KDM4C: variants seen among roughly 807,000 people sequenced by gnomAD.
KDM4C encodes lysine demethylase 4C, also known as lysine-specific demethylase 4C.
KDM4C carries 81 observed loss-of-function variants against 129.3 expected under a neutral mutation model. The ratio of observed to expected loss-of-function variants is 0.63; its 90% CI spans 0.52 to 0.75. KDM4C has a LOEUF of 0.75. KDM4C is among the 30% of genes least tolerant of loss of function. The pLI, the probability that KDM4C is intolerant of heterozygous loss-of-function variation, is 0.00. For synonymous variants in KDM4C, 573 were observed against 456.1 expected, an observed-to-expected ratio of 1.26 and a Z score of -3.26; for missense variants, 1,457 against 1,304.0, an observed-to-expected ratio of 1.12 and a Z score of -1.81.
chr9:7,041,050 T>G (rs1469716347), intron 15 of KDM4C, among the ~76,000 whole-genome samples: 2 of 151,780 alleles, frequency 1.3e-5, no homozygotes, highest in African/African-American at 4.8e-5. Flanking sequence ...TAGATCTGTA[T>G]TGGTTTTTAA....
At chr9:6,833,309 T>A (rs1389136817) in intron 4 of KDM4C, among the ~76,000 whole-genome samples, 1 of 152,116 alleles carries the variant, frequency 6.6e-6, no homozygotes, top group Non-Finnish European at 1.5e-5. Context: ...CCAGTATTTT[T>A]AAAAACATCT....
At chr9:6,743,916 A>G (rs1174136356) in intron 1 of KDM4C, among the ~76,000 whole-genome samples, 3 of 143,264 alleles carry the variant, frequency 2.1e-5, no homozygotes, top group Non-Finnish European at 3.1e-5. Flanking sequence ...ATCCTCTCCA[A>G]TTTTTTTTTT....
chr9:6,844,667 G>C (rs939953541), intron 4 of KDM4C, among the ~76,000 whole-genome samples: 6 of 152,136 alleles, frequency 3.9e-5, no homozygotes, highest in African/African-American at 1.2e-4. Context: ...AAAGTTTTTC[G>C]ACCTTGGCAT....
chr9:6,922,810 G>A (rs1261968761), intron 8 of KDM4C, among the ~76,000 whole-genome samples: 2 of 152,192 alleles, frequency 1.3e-5, no homozygotes, highest in African/African-American at 4.8e-5. Context: ...ATGTCACTAA[G>A]TTTCTTTCAC....
intron 1 of KDM4C, among the ~76,000 whole-genome samples, chr9:6,738,890 G>A (rs1817605654): frequency 6.6e-6 from 1 of 151,078 alleles, no homozygotes; most frequent in Non-Finnish European, 1.5e-5. Flanking sequence ...TGGCCGCCCA[G>A]CTAATTTCTA....
At chr9:6,843,881 C>G (rs1204751496) in intron 4 of KDM4C, among the ~76,000 whole-genome samples, 1 of 152,128 alleles carries the variant, frequency 6.6e-6, no homozygotes, top group Non-Finnish European at 1.5e-5. Flanking sequence ...TGAGACATCT[C>G]ACTCTGTTGC....
At chr9:6,881,502 C>G (rs561135681) in intron 6 of KDM4C, among the ~76,000 whole-genome samples, 1 of 152,290 alleles carries the variant, frequency 6.6e-6, no homozygotes, top group East Asian at 1.9e-4. Flanking sequence ...GTCTTCTTCT[C>G]TGTAATAAAA....
At chr9:6,962,152 A>C (rs1830152065) in intron 8 of KDM4C, among the ~76,000 whole-genome samples, 1 of 152,184 alleles carries the variant, frequency 6.6e-6, no homozygotes, top group Non-Finnish European at 1.5e-5. Flanking sequence ...AAGCAATAGG[A>C]GTGAATTTGA....
intron 8 of KDM4C, among the ~76,000 whole-genome samples, chr9:6,975,995 G>T (rs531014064): frequency 6.6e-6 from 1 of 152,162 alleles, no homozygotes; most frequent in South Asian, 2.1e-4. Flanking sequence ...CCGAGATTGC[G>T]CCACTGTACT....
At chr9:7,076,737 G>A (rs1188000080) in intron 17 of KDM4C, 4 of 1,178,498 alleles carry the variant, frequency 3.4e-6, no homozygotes, top group African/African-American at 3.2e-5. Flanking sequence ...GGGGTAAAAT[G>A]ACTTCCTTTG....
chr9:6,911,263 G>C (rs1435435202), intron 8 of KDM4C, among the ~76,000 whole-genome samples: 1 of 152,120 alleles, frequency 6.6e-6, no homozygotes, highest in Non-Finnish European at 1.5e-5. Flanking sequence ...GAAGTAAAAA[G>C]ACAAGAAGGT....
chr9:6,918,690 G>T (rs1021317409), intron 8 of KDM4C, among the ~76,000 whole-genome samples: 1 of 152,052 alleles, frequency 6.6e-6, no homozygotes, highest in Admixed American at 6.6e-5. Flanking sequence ...ATTATTTTTT[G>T]ACTTTTTAGT....
chr9:6,940,820 C>T (rs1445197468), intron 8 of KDM4C, among the ~76,000 whole-genome samples: 1 of 152,080 alleles, frequency 6.6e-6, no homozygotes, highest in African/African-American at 2.4e-5. Flanking sequence ...GGATAATGTA[C>T]CCTTGATTCT....
chr9:7,097,531 T>G (rs1836582582), intron 17 of KDM4C, among the ~76,000 whole-genome samples: 1 of 152,180 alleles, frequency 6.6e-6, no homozygotes, highest in Non-Finnish European at 1.5e-5. Context: ...TCATACCTGC[T>G]TCCTTGTCCT....
In KDM4C at chr9:6,790,682, A is replaced by AAAAAAAG. The variant is rs71315564; in HGVS notation, c.-17-2290_-17-2289insAAAAAAG. The stretch of plus-strand genomic sequence containing the variant: ...AAAAAAAAAAAAAAAAAAAAAAAAA[A>AAAAAAAG]GAGGAAAACTTTTTTCCAGGAGGAT... On this transcript the variant is annotated intron_variant, in intron 1 of 21. Coordinates refer to ENST00000381309, the MANE Select transcript of KDM4C (RefSeq NM_015061.6). 2.7e-4 allele frequency among the ~76,000 whole-genome samples: 31 copies of AAAAAAAG among 113,160 alleles called. 1 individual carries two copies. The highest frequency in any genetic ancestry group is 5.4e-4 in the Admixed American group (6 of 11,080). 74.2% of individuals were successfully genotyped at this position (113,160 alleles called of 152,430 possible).
chr9:7,160,379 G>A (rs1171731927), intron 19 of KDM4C, among the ~76,000 whole-genome samples: 1 of 152,182 alleles, frequency 6.6e-6, no homozygotes, highest in African/African-American at 2.4e-5. Context: ...CGTTGCTGGC[G>A]AGGAGCTGTG....
intron 6 of KDM4C, among the ~76,000 whole-genome samples, chr9:6,882,222 G>T (rs1255851364): frequency 6.6e-6 from 1 of 152,142 alleles, no homozygotes; most frequent in Non-Finnish European, 1.5e-5. Context: ...TTTTATACTT[G>T]TTATATTCGT....
intron 11 of KDM4C, among the ~76,000 whole-genome samples, chr9:6,987,340 G>C (rs890184162): frequency 1.3e-5 from 2 of 152,114 alleles, no homozygotes; most frequent in African/African-American, 4.8e-5. Context: ...TTCCCATTGT[G>C]ACTTTTTGGA....
At chr9:6,944,685 A>C (rs1826601276) in intron 8 of KDM4C, among the ~76,000 whole-genome samples, 1 of 59,418 alleles carries the variant, frequency 1.7e-5, no homozygotes, top group Non-Finnish European at 3.5e-5. Flanking sequence ...GCCTCTGTGC[A>C]ACAGGGGAAA....
Sources: gnomAD v4.1 joint callset for allele counts (sites outside exome capture counted in the v4.1 genomes callset) on GRCh38, gnomAD v4.1.1 for gene constraint, MANE v1.5 for transcripts, NCBI Gene and HGNC (gene_info 2026-07-23, HGNC 2026-07-21) for gene names.